ABCG2: variants seen among roughly 807,000 people sequenced by gnomAD.
ABCG2 encodes the protein ATP binding cassette subfamily G member 2 (JR blood group).
ABCG2 carries 80 observed loss-of-function variants against 73.5 expected under a neutral mutation model. That is an observed-to-expected ratio of 1.09 (90% CI 0.91 to 1.31). The LOEUF (loss-of-function observed/expected upper bound fraction) is 1.31, where lower values mean the gene tolerates loss of function less well. Among genes scored for constraint, ABCG2 ranks in the 50% most tolerant of loss-of-function variants. The pLI is 0.00. For missense variants in ABCG2, 796 were observed against 786.2 expected (o/e 1.01, Z -0.15); for synonymous variants, 269 against 282.4 (o/e 0.95, Z 0.48).
Position 88,191,086 on chromosome 4 carries a change from C to A in ABCG2, c.-20+39908G>T, listed in dbSNP as rs565684836. Reference sequence around the variant, plus strand: ...CCCATCTGTACTAAAAATACACACACAAAAAAAAATTAGCCAGGCATTGTG... The same window carrying A: ...CCCATCTGTACTAAAAATACACACAAAAAAAAAAATTAGCCAGGCATTGTG... On this transcript the variant is annotated intron_variant, in intron 1 of 15. Coordinates refer to the ABCG2 transcript ENST00000515655. 9.6e-4 allele frequency among the ~76,000 whole-genome samples: 142 copies of A among 148,390 alleles called. 5 individuals are homozygous for A. In the South Asian group the frequency reaches 0.023, roughly 24 times the overall value.
intron 1 of ABCG2, among the ~76,000 whole-genome samples, chr4:88,203,993 C>G (rs1236023798): frequency 6.6e-6 from 1 of 152,090 alleles, no homozygotes; most frequent in Non-Finnish European, 1.5e-5. Context: ...GAAAAGGTAA[C>G]TCTTTAAATA....
At chr4:88,092,454 TC>T (rs988122286) in intron 15 of ABCG2, 73 bp from the exon 16 acceptor site, 2 of 1,477,904 alleles carry the variant, frequency 1.4e-6, no homozygotes, top group Non-Finnish European at 1.8e-6. Context: ...TATCCACTGT[TC>T]CTTAAAGGAG....
chr4:88,162,216 A>G (rs1727349722), upstream of ABCG2, among the ~76,000 whole-genome samples: 2 of 152,256 alleles, frequency 1.3e-5, no homozygotes, highest in South Asian at 4.2e-4. Context: ...AAATAGCAGG[A>G]AAGTGTTCAT....
intron 1 of ABCG2, among the ~76,000 whole-genome samples, chr4:88,206,226 G>C (rs991829192): frequency 6.6e-6 from 1 of 152,122 alleles, no homozygotes; most frequent in Non-Finnish European, 1.5e-5. Context: ...GCCAAGGTGG[G>C]AGCTTTGCTT....
At chr4:88,171,371 TG>T (rs199779301) in intron 1 of ABCG2, among the ~76,000 whole-genome samples, 5 of 136,832 alleles carry the variant, frequency 3.7e-5, no homozygotes, top group Non-Finnish European at 7.8e-5. Context: ...AAAAAAAAAA[TG>T]ATTGAACTAA....
At chr4:88,167,218 G>A (rs1727558981) in intron 1 of ABCG2, among the ~76,000 whole-genome samples, 1 of 151,626 alleles carries the variant, frequency 6.6e-6, no homozygotes, top group Admixed American at 6.6e-5. Context: ...TTTCTTTTTG[G>A]TTCCAAGACT....
At chr4:88,113,275 G>T in intron 9 of ABCG2, 28 bp downstream of exon 9, 2 of 1,607,390 alleles carry the variant, frequency 1.2e-6, no homozygotes, top group South Asian at 2.2e-5. Context: ...GTTCCCATTT[G>T]AGTATTTCAA....
intron 1 of ABCG2, among the ~76,000 whole-genome samples, chr4:88,174,855 G>C (rs1411391281): frequency 6.6e-6 from 1 of 152,172 alleles, no homozygotes; most frequent in Non-Finnish European, 1.5e-5. Context: ...GGTTTTTATG[G>C]TTTTGGGTTT....
upstream of ABCG2, among the ~76,000 whole-genome samples, chr4:88,160,978 C>G (rs1727275182): frequency 6.6e-6 from 1 of 151,258 alleles, no homozygotes; most frequent in African/African-American, 2.4e-5. Context: ...GAGTTCAAGA[C>G]CAGCCTGGGC....
At chr4:88,164,521 G>A (rs915211179) in intron 1 of ABCG2, among the ~76,000 whole-genome samples, 3 of 152,068 alleles carry the variant, frequency 2.0e-5, no homozygotes, top group Admixed American at 1.3e-4. Flanking sequence ...CCTTTTGCTC[G>A]GCACTTCTCC....
chr4:88,207,534 C>T (rs1051334355), intron 1 of ABCG2, among the ~76,000 whole-genome samples: 2 of 151,936 alleles, frequency 1.3e-5, no homozygotes, highest in Non-Finnish European at 2.9e-5. Context: ...TTGATCTCCT[C>T]GAGGGATATT....
At chr4:88,102,398 C>A (rs1722487529) in intron 10 of ABCG2, among the ~76,000 whole-genome samples, 1 of 151,980 alleles carries the variant, frequency 6.6e-6, no homozygotes, top group Non-Finnish European at 1.5e-5. Context: ...GAGTTCAAGA[C>A]CAGCCTAACC....
intron 5 of ABCG2, among the ~76,000 whole-genome samples, chr4:88,126,603 G>A (rs1219349231): frequency 6.6e-6 from 1 of 152,058 alleles, no homozygotes; most frequent in Non-Finnish European, 1.5e-5. Flanking sequence ...TTCATCCCTG[G>A]GATGCAAGGC....
At chr4:88,138,593 C>T (rs2110053324) in intron 2 of ABCG2, among the ~76,000 whole-genome samples, 1 of 152,290 alleles carries the variant, frequency 6.6e-6, no homozygotes, top group Admixed American at 6.5e-5. Context: ...AGCCCTTCCT[C>T]TACCTCCAGA....
At chr4:88,156,715 A>G (rs1205434895) in intron 1 of ABCG2, among the ~76,000 whole-genome samples, 1 of 152,250 alleles carries the variant, frequency 6.6e-6, no homozygotes, top group Non-Finnish European at 1.5e-5. Context: ...GCTTAAATTA[A>G]TGAATAAAAG....
chr4:88,181,658 G>A (rs1728259065), intron 1 of ABCG2, among the ~76,000 whole-genome samples: 2 of 152,126 alleles, frequency 1.3e-5, no homozygotes, highest in South Asian at 4.1e-4. Flanking sequence ...TTCAGCCCAG[G>A]AGGTTGGGGT....
rs199877472 is a variant in ABCG2 at position 88,172,593 on chromosome 4, A to T, written c.-19-32579T>A. Among the ~76,000 whole-genome samples the T allele has an allele frequency of 8.7e-4, 132 of 151,064 alleles. 1 individual carries two copies. The highest frequency in any genetic ancestry group is 1.7e-3 in the South Asian group (8 of 4,780). On this transcript the variant is annotated intron_variant, in intron 1 of 15. Transcript: ENST00000515655. ...ACTCTGTCTCAGGGAAAAAAAAAAA[A>T]ATTAATTAATTAATTAAATTAATAA...
chr4:88,181,766 C>T (rs1306124280), intron 1 of ABCG2, among the ~76,000 whole-genome samples: 3 of 151,842 alleles, frequency 2.0e-5, no homozygotes, highest in African/African-American at 7.3e-5. Flanking sequence ...TCATAGTAAC[C>T]TCAGATCAAA....
intron 7 of ABCG2, among the ~76,000 whole-genome samples, chr4:88,117,297 G>A (rs1375926598): frequency 1.3e-5 from 2 of 151,282 alleles, no homozygotes; most frequent in Non-Finnish European, 2.9e-5. Context: ...TCCAGCCTGG[G>A]TGACACAGTG....
Sources: allele counts gnomAD v4.1 joint callset (sites outside exome capture counted in the v4.1 genomes callset), GRCh38; gene constraint gnomAD v4.1.1; transcripts MANE v1.5; gene names NCBI Gene and HGNC (gene_info 2026-07-23, HGNC 2026-07-21).